The following E2F2 variants were observed in gnomAD, a reference collection of about 807,000 sequenced individuals.
E2F2 encodes the protein transcription factor E2F2.
A neutral mutation model predicts 42.2 loss-of-function variants in E2F2; 22 were observed. The observed-to-expected ratio is 0.52, with a 90% CI of 0.37 to 0.74. The LOEUF (loss-of-function observed/expected upper bound fraction) is 0.74, where lower values mean the gene tolerates loss of function less well. E2F2 is among the 30% of genes least tolerant of loss of function. The probability of loss-of-function intolerance (pLI) is 0.00; values close to 1 mark genes in which losing one functional copy is unlikely to be tolerated. For synonymous variants in E2F2, 248 were observed against 251.6 expected (o/e 0.99, Z 0.13); for missense variants, 481 against 557.8 (o/e 0.86, Z 1.39).
At position 23,519,122 on chromosome 1, in the gene E2F2, T is replaced by C; in HGVS notation, c.746A>G (p.Tyr249Cys). ...TEDKANKRLA[Y>C]VTYQDIRAVG... ...AGCACGGATATCCTGGTAAGTCACA[T>C]AGGCCAGCGTAGGGCAGGAGAGTCA... The change falls in exon 5 of 7, where the codon TAT (tyrosine) becomes TGT (cysteine). Residue 249 changes from tyrosine (Y) to cysteine (C), a missense_variant. By Grantham distance (194) the Tyr-to-Cys change is radical. Transcript: ENST00000361729. 6.2e-7 allele frequency: 1 copy of C among 1,613,260 alleles called. No homozygotes were observed. The highest frequency in any genetic ancestry group is 1.1e-5 in the South Asian group (1 of 90,948).
chr1:23,524,634 C>G, intron 1 of E2F2, 146 bp from the exon 2 acceptor site: 2 of 621,386 alleles, frequency 3.2e-6, no homozygotes, highest in South Asian at 4.1e-5. Flanking sequence ...CACTGCTGTA[C>G]TTGATAGGAA....
chr1:23,515,469 C>T (rs1642999710), intron 6 of E2F2, among the ~76,000 whole-genome samples: 3 of 152,108 alleles, frequency 2.0e-5, no homozygotes, highest in African/African-American at 4.8e-5. Flanking sequence ...GTTCAAGACA[C>T]AGCTCTGTTG....
At chr1:23,505,812 CT>C (rs539601792), downstream of E2F2, among the ~76,000 whole-genome samples, 6 of 149,956 alleles carry the variant, frequency 4.0e-5, no homozygotes, top group African/African-American at 9.8e-5. Context: ...TGCACCTGGC[CT>C]TTTTTTTTGC....
rs1642818704 is a variant in E2F2 at position 23,507,368 on chromosome 1, T to G, written c.*2512A>C. ...CCCGTCTCGACCAAAAATACAAAAT[T>G]AGCCGGGCGTGGTGGTGCATGTCTA... On this transcript the variant is annotated 3_prime_UTR_variant, in exon 7 of 7. Transcript: ENST00000361729. 1 of 151,728 alleles carries G rather than the reference T, an allele frequency of 6.6e-6. No homozygotes were observed. Among genetic ancestry groups the G allele is most frequent in the African/African-American group, 2.4e-5 (1 of 41,228 alleles). 9.4% of individuals were successfully genotyped at this position (151,728 alleles called of 1,614,324 possible).
chr1:23,513,277 A>G (rs2282720), intron 6 of E2F2, among the ~76,000 whole-genome samples: 70,826 of 151,826 alleles, frequency 0.47, 17,058 homozygotes, highest in East Asian at 0.59. Context: ...GTCACTAAGA[A>G]GTGAGATACA....
chr1:23,530,431 C>T lies in E2F2; in HGVS notation c.252+111G>A. 2 of 1,426,658 alleles carry T rather than the reference C, an allele frequency of 1.4e-6. No homozygotes were observed. Among genetic ancestry groups the T allele is most frequent in the Non-Finnish European group, 1.9e-6 (2 of 1,073,420 alleles). The allele number at this position is 1,426,658 out of a possible 1,614,324, so 88.4% of individuals were successfully genotyped here. A position where few individuals can be genotyped will look rare whatever the true frequency, so the allele number is the denominator to read the frequency against. On this transcript the variant is annotated intron_variant, in intron 1 of 6. Transcript: ENST00000361729. The surrounding 1 kb of genome is among the most constrained non-coding windows in gnomAD (Gnocchi z 4.4). The stretch of plus-strand genomic sequence containing the variant: ...TCCTGGAAACTGAAAGCTCATCTTC[C>T]CTCTTCCCAAAACTCTACCTGCTCC...
At chr1:23,523,754 G>C (rs3218157) in intron 2 of E2F2, among the ~76,000 whole-genome samples, 41 of 152,270 alleles carry the variant, frequency 2.7e-4, no homozygotes, top group East Asian at 1.7e-3. Flanking sequence ...TTTAGATCAT[G>C]AGAGCAGTAC....
chr1:23,515,004 T>C (rs1186432641), intron 6 of E2F2, among the ~76,000 whole-genome samples: 2 of 152,134 alleles, frequency 1.3e-5, no homozygotes, highest in South Asian at 2.1e-4. Context: ...CTGCAGGCAA[T>C]AGTTTATTAA....
At position 23,509,725 on chromosome 1, in the gene E2F2, C is replaced by T; in HGVS notation, c.*155G>A. Reference sequence around the variant, plus strand: ...CACCCGTACCATTCATATCTCCCCACACAGCTTCTGCCGGCTGGGGCAGGA... The same window carrying T: ...CACCCGTACCATTCATATCTCCCCATACAGCTTCTGCCGGCTGGGGCAGGA... On this transcript the variant is annotated 3_prime_UTR_variant, in exon 7 of 7. Coordinates refer to ENST00000361729, the MANE Select transcript of E2F2 (RefSeq NM_004091.4). The T allele has an allele frequency of 7.3e-7, 1 of 1,376,512 alleles. No individual in the cohort carries two copies. The allele number at this position is 1,376,512 out of a possible 1,614,324, so 85.3% of individuals were successfully genotyped here. A position where few individuals can be genotyped will look rare whatever the true frequency, so the allele number is the denominator to read the frequency against.
In E2F2 at chr1:23,530,912, A is replaced by G. The variant is rs1643330988; in HGVS notation, c.-119T>C. 7.7e-7 allele frequency: 1 copy of G among 1,298,364 alleles called. No individual in the cohort carries two copies. The highest frequency in any genetic ancestry group is 1.0e-6 in the Non-Finnish European group (1 of 990,418). The allele number at this position is 1,298,364 out of a possible 1,614,324, so 80.4% of individuals were successfully genotyped here. On this transcript the variant is annotated 5_prime_UTR_variant, in exon 1 of 7. Coordinates refer to ENST00000361729, the MANE Select transcript of E2F2 (RefSeq NM_004091.4). The surrounding 1 kb of genome is among the most constrained non-coding windows in gnomAD (Gnocchi z 4.4). ...GGCGCGGAGGCCGGGGGAAGCCGCC[A>G]ATGGACGCCTGCGGGGCAAGGCCGG...
At chr1:23,514,397 G>A (rs1642974309) in intron 6 of E2F2, among the ~76,000 whole-genome samples, 1 of 152,128 alleles carries the variant, frequency 6.6e-6, no homozygotes, top group African/African-American at 2.4e-5. Flanking sequence ...ACAGACACAG[G>A]AGAGATCATT....
In E2F2 at chr1:23,522,054, G is replaced by C. The variant is rs1195557902; in HGVS notation, c.361C>G (p.Pro121Ala). 1.4e-5 allele frequency: 22 copies of C among 1,613,716 alleles called. No individual in the cohort carries two copies. Among genetic ancestry groups the C allele is most frequent in the Non-Finnish European group, 1.8e-5 (21 of 1,179,936 alleles). ...RVDGLPSPKT[P>A]KSPGEKTRYD... ...CGAGTCTTCTCCCCGGGGGATTTGG[G>C]GGCTGAAGAAGAAAGGGACCCAGTC... The change falls in exon 3 of 7, where the codon CCC becomes GCC. Residue 121 changes from proline to alanine, a missense_variant and splice_region_variant. Transcript: ENST00000361729.
chr1:23,527,396 C>T (rs992039105), intron 1 of E2F2, among the ~76,000 whole-genome samples: 2 of 152,230 alleles, frequency 1.3e-5, no homozygotes, highest in African/African-American at 2.4e-5. Context: ...CTATCCTGGA[C>T]GCTCTTAGGC....
In E2F2 at chr1:23,509,525, T is replaced by A. The variant is rs534308813; in HGVS notation, c.*355A>T. On this transcript the variant is annotated 3_prime_UTR_variant, in exon 7 of 7. Coordinates refer to ENST00000361729, the MANE Select transcript of E2F2 (RefSeq NM_004091.4). ...AATAAATACAAAGGCATTATGTGCT[T>A]CTTGGTACGTCGAGGGTCCTAATTA... 37 of 200,002 alleles carry A rather than the reference T, an allele frequency of 1.8e-4. No homozygotes were observed. Among genetic ancestry groups the A allele is most frequent in the Non-Finnish European group, 3.1e-4 (31 of 99,942 alleles). The allele number at this position is 200,002 out of a possible 1,614,324, so 12.4% of individuals were successfully genotyped here. A position where few individuals can be genotyped will look rare whatever the true frequency, so the allele number is the denominator to read the frequency against.
At chr1:23,514,620 G>T (rs534725859) in intron 6 of E2F2, among the ~76,000 whole-genome samples, 3 of 151,980 alleles carry the variant, frequency 2.0e-5, no homozygotes, top group Non-Finnish European at 4.4e-5. Context: ...CTGAGGTCAA[G>T]GGTTCAAGAC....
chr1:23,510,758 G>C (rs1194736343), intron 6 of E2F2, among the ~76,000 whole-genome samples: 1 of 152,216 alleles, frequency 6.6e-6, no homozygotes, highest in East Asian at 1.9e-4. Context: ...CAGGGACAGA[G>C]AGTAGAAGGG....
rs564975899 is a variant in E2F2, at chr1:23,518,939, CAG to C, written c.852+75_852+76del. The C allele has an allele frequency of 6.2e-4, 715 of 1,149,384 alleles. 4 individuals are homozygous for C. In the East Asian group the frequency reaches 0.012, roughly 20 times the overall value. The allele number at this position is 1,149,384 out of a possible 1,614,324, so 71.2% of individuals were successfully genotyped here. On this transcript the variant is annotated intron_variant, in intron 5 of 6. Transcript: ENST00000361729. ...GCATGGGGCTAGGCAGTGCCAGGGA[CAG>C]AGTCTGCAGAGCCGCCTGGAACGCT... is the stretch of plus-strand genomic sequence containing the variant.
rs1424446435 is a variant in E2F2, at chr1:23,507,528, AAAG to A, written c.*2349_*2351del. The A allele has an allele frequency of 2.6e-5, 4 of 152,404 alleles. No homozygotes were observed. Among genetic ancestry groups the A allele is most frequent in the East Asian group, 3.8e-4 (2 of 5,214 alleles). 9.4% of individuals were successfully genotyped at this position (152,404 alleles called of 1,614,324 possible). On this transcript the variant is annotated 3_prime_UTR_variant, in exon 7 of 7. Transcript: ENST00000361729. The stretch of plus-strand genomic sequence containing the variant: ...GAGACTCCATCTCAAAAAAAAAAAA[AAAG>A]AAGAAAAAAAGAAAAGAAAATACCA...
At chr1:23,520,243 C>CAAAAAAAAAAAA (rs66460864) in intron 4 of E2F2, among the ~76,000 whole-genome samples, 2 of 78,896 alleles carry the variant, frequency 2.5e-5, no homozygotes, top group African/African-American at 8.2e-5. Flanking sequence ...GACTCTGTCT[C>CAAAAAAAAAAAA]AAAAAAAAAA....
Sources: allele counts gnomAD v4.1 joint callset (sites outside exome capture counted in the v4.1 genomes callset), GRCh38; gene constraint gnomAD v4.1.1; non-coding constraint Gnocchi (gnomAD v3.1); transcripts MANE v1.5; gene names NCBI Gene and HGNC (gene_info 2026-07-23, HGNC 2026-07-21).